Variants in CRISP2 observed in about 807,000 individuals in gnomAD.
CRISP2 encodes cysteine rich secretory protein 2.
In CRISP2, 29 loss-of-function variants were observed where a neutral mutation model predicts 31.7. The ratio of observed to expected loss-of-function variants is 0.92; its 90% CI spans 0.68 to 1.25. The LOEUF (loss-of-function observed/expected upper bound fraction) is 1.25, where lower values mean the gene tolerates loss of function less well. Among genes scored for constraint, CRISP2 ranks in the 50% most tolerant of loss-of-function variants. The pLI, the probability that CRISP2 is intolerant of heterozygous loss-of-function variation, is 0.00. For missense variants in CRISP2, 318 were observed against 286.5 expected, an observed-to-expected ratio of 1.11 and a Z score of -0.79; for synonymous variants, 111 against 101.4, an observed-to-expected ratio of 1.09 and a Z score of -0.57.
chr6:49,699,265 T>G (rs1582056132), intron 6 of CRISP2, among the ~76,000 whole-genome samples: 1 of 151,946 alleles, frequency 6.6e-6, no homozygotes, highest in African/African-American at 2.4e-5. Context: ...AATATTCATT[T>G]TTATAGAAAT....
chr6:49,709,384 C>T (rs1000384550), intron 3 of CRISP2, among the ~76,000 whole-genome samples, 179 bp from the exon 4 acceptor site: 11 of 152,144 alleles, frequency 7.2e-5, no homozygotes, highest in African/African-American at 2.7e-4. Flanking sequence ...TGAGGCCAAC[C>T]TTGTCTTTGA....
At chr6:49,682,480 CCCT>C in the CRISP2 span, among the ~76,000 whole-genome samples, 85,633 of 117,892 alleles carry the variant, frequency 0.73, 31,867 homozygotes, top group East Asian at 0.97. Flanking sequence ...CTCCCTCCCT[CCCT>C]CCTCCTCCTC....
At chr6:49,686,685 C>T in the CRISP2 span, among the ~76,000 whole-genome samples, 1 of 152,148 alleles carries the variant, frequency 6.6e-6, no homozygotes. Context: ...CCATTTGACC[C>T]AGCCATCCCA....
intron 4 of CRISP2, 118 bp from the exon 5 acceptor site, chr6:49,700,902 T>C (rs942421408): frequency 5.0e-6 from 3 of 594,480 alleles, no homozygotes; most frequent in African/African-American, 3.8e-5. Context: ...AGTTATCATG[T>C]ACATATATTA....
downstream of CRISP2, among the ~76,000 whole-genome samples, chr6:49,689,145 A>G (rs1366022548): frequency 1.3e-5 from 2 of 152,162 alleles, no homozygotes; most frequent in Non-Finnish European, 2.9e-5. Context: ...CTGGGATTAC[A>G]GCTGTGAGCC....
chr6:49,697,765 G>A, intron 8 of CRISP2, 95 bp downstream of exon 8: 2 of 1,597,456 alleles, frequency 1.3e-6, no homozygotes, highest in Admixed American at 1.7e-5. Flanking sequence ...CCCTTTTATT[G>A]AGATATGTTT....
At chr6:49,696,940 T>C (rs766741331) in intron 8 of CRISP2, among the ~76,000 whole-genome samples, 1 of 152,162 alleles carries the variant, frequency 6.6e-6, no homozygotes, top group African/African-American at 2.4e-5. Flanking sequence ...GATGCTTCCC[T>C]CTGAGGGCCA....
chr6:49,682,623 CTTTCTTTCT>C, the CRISP2 span, among the ~76,000 whole-genome samples: 31 of 75,814 alleles, frequency 4.1e-4, no homozygotes, highest in South Asian at 0.017. Context: ...TTCTTTCTTT[CTTTCTTTCT>C]TTCTTTCTTT....
intron 9 of CRISP2, among the ~76,000 whole-genome samples, chr6:49,693,757 T>C (rs2127384241): frequency 6.6e-6 from 1 of 152,380 alleles, no homozygotes; most frequent in Non-Finnish European, 1.5e-5. Context: ...TTATTTATCG[T>C]ATTTTTCAGC....
In CRISP2 at chr6:49,692,812, C is replaced by A. The variant is rs544121328; in HGVS notation, c.693G>T (p.Lys231Asn). 2.5e-6 allele frequency: 4 copies of A among 1,613,804 alleles called. No individual in the cohort carries two copies. The East Asian group carries it at 6.7e-5, about 27-fold the overall frequency. The change falls in exon 10 of 10, where the codon AAG becomes AAT. Residue 231 changes from lysine to asparagine, a missense_variant. Lys to Asn is a moderately conservative substitution (Grantham distance 94, BLOSUM62 0). Coordinates refer to ENST00000339139, the MANE Select transcript of CRISP2 (RefSeq NM_003296.4). ...AGCEHELLKE[K>N]CKATCLCENK... ...TCTCACATAGGCAAGTAGCCTTGCACTTTTCCTTGAGTAACTCATGTTCAC... is the reference window on the plus strand; with the variant it reads ...TCTCACATAGGCAAGTAGCCTTGCAATTTTCCTTGAGTAACTCATGTTCAC...
the CRISP2 span, among the ~76,000 whole-genome samples, chr6:49,680,972 T>C: frequency 6.6e-6 from 1 of 152,248 alleles, no homozygotes; most frequent in South Asian, 2.1e-4. Flanking sequence ...TAATTTCTTA[T>C]GCTGTACAGA....
At chr6:49,706,843 T>TC (rs1767119050) in intron 4 of CRISP2, among the ~76,000 whole-genome samples, 1 of 152,200 alleles carries the variant, frequency 6.6e-6, no homozygotes, top group Admixed American at 6.5e-5. Context: ...GCTTTTATGT[T>TC]CCTAAGAACA....
At chr6:49,678,264 C>T in the CRISP2 span, among the ~76,000 whole-genome samples, 1 of 152,152 alleles carries the variant, frequency 6.6e-6, no homozygotes, top group Non-Finnish European at 1.5e-5. Flanking sequence ...ATCTATTACT[C>T]CAAATAGCTT....
chr6:49,697,601 C>T (rs1764982302), intron 8 of CRISP2: 1 of 802,044 alleles, frequency 1.2e-6, no homozygotes, highest in Admixed American at 2.3e-5. Context: ...CAGAGTAACC[C>T]TAAGCTGAGG....
intron 4 of CRISP2, 26 bp downstream of exon 4, chr6:49,709,105 G>A: frequency 6.2e-7 from 1 of 1,607,240 alleles, no homozygotes. Flanking sequence ...GGATAGCTCT[G>A]AAAAGATTTT....
At chr6:49,684,187 T>C in the CRISP2 span, among the ~76,000 whole-genome samples, 1 of 152,258 alleles carries the variant, frequency 6.6e-6, no homozygotes, top group Non-Finnish European at 1.5e-5. Flanking sequence ...CTAAGACCCT[T>C]TGAAGATACG....
intron 6 of CRISP2, among the ~76,000 whole-genome samples, chr6:49,698,904 A>G (rs962952): frequency 0.16 from 23,875 of 152,144 alleles, 2,528 homozygotes; most frequent in Admixed American, 0.31. Context: ...TAGGACCCCA[A>G]ATAAATGTAT....
At chr6:49,682,587 T>C in the CRISP2 span, among the ~76,000 whole-genome samples, 2,490 of 83,570 alleles carry the variant, frequency 0.03, 69 homozygotes, top group East Asian at 0.094. Context: ...CTTTCTTTCT[T>C]TTTCTTTCTT....
At chr6:49,713,207 T>C (rs531599625) in intron 1 of CRISP2, among the ~76,000 whole-genome samples, 1 of 152,296 alleles carries the variant, frequency 6.6e-6, no homozygotes, top group African/African-American at 2.4e-5. Context: ...CAATGGGTCT[T>C]ATGTACTTAG....
Sources: gnomAD v4.1 joint callset for allele counts (sites outside exome capture counted in the v4.1 genomes callset) on GRCh38, gnomAD v4.1.1 for gene constraint, MANE v1.5 for transcripts, NCBI Gene and HGNC (gene_info 2026-07-23, HGNC 2026-07-21) for gene names.